ADGRL3: variants seen among roughly 807,000 people sequenced by gnomAD.
ADGRL3 encodes adhesion G protein-coupled receptor L3, also known as calcium-independent alpha-latrotoxin receptor 3.
A neutral mutation model predicts 153.5 loss-of-function variants in ADGRL3; 62 were observed. That is an observed-to-expected ratio of 0.40 (90% CI 0.33 to 0.50). The LOEUF (loss-of-function observed/expected upper bound fraction) is 0.50. ADGRL3 is among the 20% of genes least tolerant of loss of function. The probability of loss-of-function intolerance (pLI) is 0.47; values close to 1 mark genes in which losing one functional copy is unlikely to be tolerated. For synonymous variants in ADGRL3, 710 were observed against 672.5 expected, an observed-to-expected ratio of 1.06 and a Z score of -0.86; for missense variants, 1,641 against 1,859.4, an observed-to-expected ratio of 0.88 and a Z score of 2.16.
intron 26 of ADGRL3, 66 bp from the exon 27 acceptor site, chr4:62,070,043 G>T: frequency 7.6e-7 from 1 of 1,308,956 alleles, no homozygotes; most frequent in Non-Finnish European, 1.1e-6. Context: ...TTTTGCTTCT[G>T]TGTTTGTGTG....
At chr4:61,680,790 G>A (rs1168811701) in intron 6 of ADGRL3, among the ~76,000 whole-genome samples, 3 of 152,000 alleles carry the variant, frequency 2.0e-5, no homozygotes, top group Non-Finnish European at 4.4e-5. Context: ...CCTTCTTTGA[G>A]TGTTTTGTAC....
chr4:61,876,691 G>A (rs1451287470), intron 9 of ADGRL3, among the ~76,000 whole-genome samples: 1 of 151,466 alleles, frequency 6.6e-6, no homozygotes, highest in Non-Finnish European at 1.5e-5. Flanking sequence ...GAAGACAATA[G>A]TGAGTTTGAG....
chr4:62,013,627 T>C (rs1031462307), intron 21 of ADGRL3, among the ~76,000 whole-genome samples: 1 of 151,970 alleles, frequency 6.6e-6, no homozygotes, highest in Non-Finnish European at 1.5e-5. Context: ...TGGTGACTTA[T>C]GCCTGTAATC....
chr4:61,725,016 G>T (rs1016658190), intron 6 of ADGRL3, among the ~76,000 whole-genome samples: 2 of 152,120 alleles, frequency 1.3e-5, no homozygotes, highest in African/African-American at 4.8e-5. Context: ...CTCAAGGGGT[G>T]ATAGCACTGA....
chr4:61,610,700 T>A (rs1049807079), intron 5 of ADGRL3, among the ~76,000 whole-genome samples: 1 of 152,158 alleles, frequency 6.6e-6, no homozygotes, highest in Non-Finnish European at 1.5e-5. Context: ...CAGTTAATTC[T>A]CCTAACATAT....
At chr4:61,278,242 T>G (rs770458173) in intron 1 of ADGRL3, among the ~76,000 whole-genome samples, 1 of 152,180 alleles carries the variant, frequency 6.6e-6, no homozygotes, top group Non-Finnish European at 1.5e-5. Flanking sequence ...CATCTGCCCT[T>G]TCTCTTGCTC....
intron 21 of ADGRL3, among the ~76,000 whole-genome samples, chr4:62,001,418 G>A (rs888814933): frequency 6.6e-6 from 1 of 152,162 alleles, no homozygotes; most frequent in African/African-American, 2.4e-5. Context: ...CCTCAATGAG[G>A]TAGGAAAGAT....
At chr4:61,445,582 G>T (rs2097573598) in intron 2 of ADGRL3, among the ~76,000 whole-genome samples, 1 of 152,150 alleles carries the variant, frequency 6.6e-6, no homozygotes, top group Non-Finnish European at 1.5e-5. Flanking sequence ...AGTTAAAGAG[G>T]CAGTTGCTAT....
chr4:61,655,513 T>C (rs747447018), intron 5 of ADGRL3, among the ~76,000 whole-genome samples: 6 of 152,124 alleles, frequency 3.9e-5, no homozygotes, highest in Non-Finnish European at 8.8e-5. Context: ...AAGTAAAAAA[T>C]ACACTTTGAA....
chr4:61,503,710 G>T (rs1270959513), intron 3 of ADGRL3, among the ~76,000 whole-genome samples: 2 of 151,888 alleles, frequency 1.3e-5, no homozygotes, highest in Non-Finnish European at 2.9e-5. Flanking sequence ...TCAATTTTAA[G>T]TAAAAATTTC....
intron 9 of ADGRL3, among the ~76,000 whole-genome samples, chr4:61,855,374 A>G (rs979600931): frequency 1.8e-4 from 28 of 152,210 alleles, no homozygotes; most frequent in Non-Finnish European, 2.8e-4. Flanking sequence ...TAGTTTTTAT[A>G]TTGAAGACTA....
chr4:61,245,329 A>G (rs1223622171), intron 1 of ADGRL3, among the ~76,000 whole-genome samples: 1 of 152,032 alleles, frequency 6.6e-6, no homozygotes. Flanking sequence ...TTGTATTTGC[A>G]TGTGCTATTC....
chr4:61,988,746 A>G (rs2099094218), intron 19 of ADGRL3, among the ~76,000 whole-genome samples: 1 of 152,178 alleles, frequency 6.6e-6, no homozygotes, highest in African/African-American at 2.4e-5. Flanking sequence ...AGGAATTAGA[A>G]GTGGGTACCA....
At chr4:61,668,844 C>A (rs2094895128) in intron 5 of ADGRL3, among the ~76,000 whole-genome samples, 1 of 152,162 alleles carries the variant, frequency 6.6e-6, no homozygotes, top group African/African-American at 2.4e-5. Context: ...ACAGTGAGAC[C>A]TCATCTCTAC....
intron 21 of ADGRL3, among the ~76,000 whole-genome samples, chr4:62,001,483 C>T (rs1383782552): frequency 5.3e-5 from 8 of 151,882 alleles, no homozygotes; most frequent in Non-Finnish European, 1.2e-4. Flanking sequence ...GAAGGTATCT[C>T]CAGAAAATAT....
intron 1 of ADGRL3, among the ~76,000 whole-genome samples, chr4:61,271,903 G>A (rs1309329420): frequency 6.6e-6 from 1 of 151,994 alleles, no homozygotes; most frequent in African/African-American, 2.4e-5. Flanking sequence ...GATGCTTGCT[G>A]TTCATTTGTG....
chr4:61,949,524 C>A (rs2017522), intron 17 of ADGRL3, among the ~76,000 whole-genome samples: 12,934 of 151,682 alleles, frequency 0.085, 664 homozygotes, highest in East Asian at 0.18. Context: ...ATGGCAAAAC[C>A]CCTCTCTACT....
intron 1 of ADGRL3, among the ~76,000 whole-genome samples, chr4:61,288,075 T>G (rs2150103172): frequency 6.6e-6 from 1 of 152,046 alleles, no homozygotes; most frequent in Middle Eastern, 3.4e-3. Flanking sequence ...CAGTATCTAA[T>G]ACAATTCTTA....
At chr4:61,335,316 A>T (rs1245885210) in intron 1 of ADGRL3, among the ~76,000 whole-genome samples, 3 of 152,140 alleles carry the variant, frequency 2.0e-5, no homozygotes, top group African/African-American at 7.2e-5. Flanking sequence ...TACTCTTAAG[A>T]TTATTCAGGT....
Sources: gnomAD v4.1 joint callset for allele counts (sites outside exome capture counted in the v4.1 genomes callset) on GRCh38, gnomAD v4.1.1 for gene constraint, MANE v1.5 for transcripts, NCBI Gene and HGNC (gene_info 2026-07-23, HGNC 2026-07-21) for gene names.